ERBIN: variants seen among roughly 807,000 people sequenced by gnomAD.
ERBIN encodes the protein densin-180-like protein.
A neutral mutation model predicts 158.4 loss-of-function variants in ERBIN; 60 were observed. That is an observed-to-expected ratio of 0.38 (90% CI 0.31 to 0.47). The LOEUF is 0.47. Among genes scored for constraint, ERBIN ranks in the 20% least tolerant of loss-of-function variants. The pLI is 0.99. For missense variants in ERBIN, 1,610 were observed against 1,648.0 expected (o/e 0.98, Z 0.40); for synonymous variants, 594 against 557.2 (o/e 1.07, Z -0.93).
Position 66,079,937 on chromosome 5 carries a change from G to T in ERBIN, c.*1407G>T, listed in dbSNP as rs1265340916. On this transcript the variant is annotated 3_prime_UTR_variant, in exon 26 of 26. Transcript: ENST00000284037. ...TTCTATGTAATCAAATAAAATTTGA[G>T]TAACATGTAATGGTAAGGATTAATG... 2.0e-5 allele frequency: 3 copies of T among 152,102 alleles called. No homozygotes were observed. Among genetic ancestry groups the T allele is most frequent in the Non-Finnish European group, 4.4e-5 (3 of 67,992 alleles). 9.4% of individuals were successfully genotyped at this position (152,102 alleles called of 1,614,324 possible).
At chr5:65,936,755 C>T (rs764454499) in intron 1 of ERBIN, among the ~76,000 whole-genome samples, 18 of 152,122 alleles carry the variant, frequency 1.2e-4, no homozygotes, top group Admixed American at 3.9e-4. Context: ...AATAATCTTG[C>T]TGTAAAAATT....
At chr5:65,948,562 C>G (rs1369895536) in intron 1 of ERBIN, among the ~76,000 whole-genome samples, 1 of 151,934 alleles carries the variant, frequency 6.6e-6, no homozygotes, top group East Asian at 1.9e-4. Context: ...TGAGGGTAGG[C>G]TAATGTAGTT....
intron 1 of ERBIN, among the ~76,000 whole-genome samples, chr5:65,962,638 T>A (rs1029977556): frequency 2.0e-5 from 3 of 152,192 alleles, no homozygotes; most frequent in African/African-American, 7.2e-5. Context: ...ATTTTCCCCC[T>A]CTTTTAGTAA....
intron 1 of ERBIN, among the ~76,000 whole-genome samples, chr5:65,946,717 A>G (rs747101789): frequency 1.3e-5 from 2 of 150,870 alleles, no homozygotes; most frequent in South Asian, 2.1e-4. Context: ...TGGTTGTACT[A>G]TTTTGCATTC....
At chr5:66,026,196 C>T (rs572850548) in intron 12 of ERBIN, 106 bp from the exon 13 acceptor site, 4 of 760,726 alleles carry the variant, frequency 5.3e-6, no homozygotes, top group East Asian at 6.0e-5. Flanking sequence ...ATTATTTCTT[C>T]TATAAATGTG....
chr5:65,990,315 G>A (rs1285267881), intron 2 of ERBIN, among the ~76,000 whole-genome samples: 1 of 152,214 alleles, frequency 6.6e-6, no homozygotes, highest in East Asian at 1.9e-4. Context: ...TAGTGACGAT[G>A]GAATGAGAGT....
intron 1 of ERBIN, among the ~76,000 whole-genome samples, chr5:65,965,657 TGCTGGG>T: frequency 6.6e-6 from 1 of 152,196 alleles, no homozygotes; most frequent in Non-Finnish European, 1.5e-5. Context: ...CCTCCCGAAG[TGCTGGG>T]ATTACAGGTG....
intron 22 of ERBIN, 78 bp from the exon 23 acceptor site, chr5:66,074,935 GTGCTTTTGTAA>G: frequency 8.6e-7 from 1 of 1,159,040 alleles, no homozygotes. Context: ...GAAAACTCTA[GTGCTTTTGTAA>G]TGCTCCAAGA....
At chr5:65,940,003 C>T (rs1744636386) in intron 1 of ERBIN, among the ~76,000 whole-genome samples, 2 of 151,208 alleles carry the variant, frequency 1.3e-5, no homozygotes, top group South Asian at 2.1e-4. Context: ...TCTGCCTGGC[C>T]GCCCATCGTC....
intron 1 of ERBIN, among the ~76,000 whole-genome samples, chr5:65,949,615 A>T (rs927853364): frequency 6.6e-6 from 1 of 152,238 alleles, no homozygotes; most frequent in Non-Finnish European, 1.5e-5. Context: ...AAGTAATTAT[A>T]TATTTCTAGA....
intron 1 of ERBIN, among the ~76,000 whole-genome samples, chr5:65,945,397 A>G (rs2150901748): frequency 6.6e-6 from 1 of 152,302 alleles, no homozygotes; most frequent in East Asian, 1.9e-4. Context: ...TTAAATGTTG[A>G]TCACATGCCT....
chr5:65,999,152 TGA>T (rs1752764370), intron 4 of ERBIN, among the ~76,000 whole-genome samples: 1 of 152,144 alleles, frequency 6.6e-6, no homozygotes, highest in African/African-American at 2.4e-5. Context: ...GCAGATTACC[TGA>T]GGTCAGGAGT....
At chr5:66,034,284 A>G (rs563483192) in intron 14 of ERBIN, among the ~76,000 whole-genome samples, 2 of 151,720 alleles carry the variant, frequency 1.3e-5, no homozygotes, top group African/African-American at 2.4e-5. Context: ...AGAATTTTCC[A>G]TACTCATAGC....
Position 66,018,545 on chromosome 5 carries a change from A to G in ERBIN, c.534-2777A>G, listed in dbSNP as rs1755216690. On this transcript the variant is annotated intron_variant, in intron 7 of 25. Coordinates refer to ENST00000284037, the MANE Select transcript of ERBIN (RefSeq NM_001253697.2). Reference sequence around the variant, plus strand: ...ATATATATTATATTATATAATATATATTATATATTATATAATATATATTAT... The same window carrying G: ...ATATATATTATATTATATAATATATGTTATATATTATATAATATATATTAT... Among the ~76,000 whole-genome samples the G allele has an allele frequency of 1.4e-4, 2 of 14,126 alleles. 1 individual carries two copies. Among genetic ancestry groups the G allele is most frequent in the Non-Finnish European group, 4.8e-4 (2 of 4,152 alleles). The allele number at this position is 14,126 out of a possible 152,430, so 9.3% of individuals were successfully genotyped here. A position where few individuals can be genotyped will look rare whatever the true frequency, so the allele number is the denominator to read the frequency against.
chr5:66,076,550 TTTG>T (rs1762003369), intron 24 of ERBIN, 142 bp downstream of exon 24: 1 of 704,626 alleles, frequency 1.4e-6, no homozygotes, highest in Non-Finnish European at 2.4e-6. Context: ...TGCTTACCTT[TTTG>T]TTTTGTAATT....
chr5:66,000,266 A>G (rs1407224766), intron 4 of ERBIN, among the ~76,000 whole-genome samples: 1 of 152,208 alleles, frequency 6.6e-6, no homozygotes, highest in Admixed American at 6.5e-5. Context: ...TATATGCTTC[A>G]TGAAAATGGA....
chr5:66,062,096 G>C (rs1359035646), intron 21 of ERBIN, among the ~76,000 whole-genome samples: 1 of 151,956 alleles, frequency 6.6e-6, no homozygotes, highest in Non-Finnish European at 1.5e-5. Flanking sequence ...GGCTTGCCTT[G>C]CTAGATTTGG....
chr5:66,064,581 A>G (rs960311713), intron 21 of ERBIN, among the ~76,000 whole-genome samples: 2 of 152,230 alleles, frequency 1.3e-5, no homozygotes, highest in African/African-American at 2.4e-5. Flanking sequence ...AGTTGACACA[A>G]TAAACAAAAG....
At chr5:66,044,949 G>A (rs1410723021) in intron 17 of ERBIN, among the ~76,000 whole-genome samples, 1 of 152,046 alleles carries the variant, frequency 6.6e-6, no homozygotes, top group Non-Finnish European at 1.5e-5. Flanking sequence ...GCTTGGTGAT[G>A]TGTGCCTGTT....
Sources: gnomAD v4.1 joint callset for allele counts (sites outside exome capture counted in the v4.1 genomes callset) on GRCh38, gnomAD v4.1.1 for gene constraint, MANE v1.5 for transcripts, NCBI Gene and HGNC (gene_info 2026-07-23, HGNC 2026-07-21) for gene names.